The following ETFB variants were observed in gnomAD, a reference collection of about 807,000 sequenced individuals.
ETFB encodes the protein electron transfer flavoprotein subunit beta, also known as beta-ETF.
ETFB carries 20 observed loss-of-function variants against 25.6 expected under a neutral mutation model. That is an observed-to-expected ratio of 0.78 (90% CI 0.55 to 1.14). The LOEUF (loss-of-function observed/expected upper bound fraction) is 1.14. Among genes scored for constraint, ETFB ranks in the 50% most tolerant of loss-of-function variants. ETFB has a pLI of 0.00. For synonymous variants in ETFB, 142 were observed against 146.7 expected, an observed-to-expected ratio of 0.97 and a Z score of 0.23; for missense variants, 286 against 342.6, an observed-to-expected ratio of 0.83 and a Z score of 1.30.
At chr19:51,361,981 C>T (rs1252005375) in intron 1 of ETFB, among the ~76,000 whole-genome samples, 1 of 151,842 alleles carries the variant, frequency 6.6e-6, no homozygotes, top group Non-Finnish European at 1.5e-5. Flanking sequence ...TGTTTACAGG[C>T]GTGAGCCACC....
At chr19:51,366,147 C>A in intron 1 of ETFB, 123 bp downstream of exon 1, 1 of 970,428 alleles carries the variant, frequency 1.0e-6, no homozygotes, top group Non-Finnish European at 1.6e-6. Flanking sequence ...GTGACTTTGA[C>A]GTTTGGGGGT....
rs377667900 is a variant in ETFB at position 51,366,227 on chromosome 19, C to A, written c.57+43G>T. On this transcript the variant is annotated intron_variant, in intron 1 of 5. Coordinates refer to ENST00000309244, the MANE Select transcript of ETFB (RefSeq NM_001985.3). Reference sequence around the variant, plus strand: ...GTGCGCTCGTGGCCCCGGAAGCACACGGCTGCGGGACTCAGGGATGTGGGA... The same window carrying A: ...GTGCGCTCGTGGCCCCGGAAGCACAAGGCTGCGGGACTCAGGGATGTGGGA... 1.8e-5 allele frequency: 29 copies of A among 1,593,908 alleles called. No homozygotes were observed. In the African/African-American group the frequency reaches 2.9e-4, roughly 16 times the overall value.
At chr19:51,352,991 G>T in intron 3 of ETFB, 141 bp downstream of exon 3, 1 of 996,314 alleles carries the variant, frequency 1.0e-6, no homozygotes, top group Non-Finnish European at 1.6e-6. Flanking sequence ...CTGTCAGAAG[G>T]GTCAGCAAAG....
intron 1 of ETFB, chr19:51,354,914 C>A: frequency 4.6e-6 from 2 of 430,200 alleles, no homozygotes; most frequent in Non-Finnish European, 8.6e-6. Context: ...TCTGTGGGAA[C>A]TTGCACGGGG....
intron 3 of ETFB, among the ~76,000 whole-genome samples, chr19:51,352,642 C>T (rs939301030): frequency 2.0e-5 from 3 of 152,016 alleles, no homozygotes; most frequent in Admixed American, 6.6e-5. Context: ...GACAGAGTCT[C>T]GCTCTGCTCC....
chr19:51,352,062 G>A (rs1048740087), intron 3 of ETFB, among the ~76,000 whole-genome samples: 5 of 151,936 alleles, frequency 3.3e-5, no homozygotes, highest in Non-Finnish European at 7.4e-5. Flanking sequence ...GGTGGTGCCC[G>A]AGGGTCTCCT....
rs1176789273 is a variant in ETFB at position 51,358,321 on chromosome 19, A to G, written c.58-4013T>C. Among the ~76,000 whole-genome samples, 3 of 152,256 alleles carry G rather than the reference A, an allele frequency of 2.0e-5. No homozygotes were observed. The East Asian group carries it at 5.8e-4, about 29-fold the overall frequency. On this transcript the variant is annotated intron_variant, in intron 1 of 5. Transcript: ENST00000309244. The stretch of plus-strand genomic sequence containing the variant: ...AATCCGAGATGAGAAGGTGGGACCC[A>G]TAAGGGGCTTCCCACTCTGGCTGTG...
At chr19:51,365,862 T>C (rs1986349796) in intron 1 of ETFB, among the ~76,000 whole-genome samples, 1 of 152,132 alleles carries the variant, frequency 6.6e-6, no homozygotes, top group Admixed American at 6.6e-5. Flanking sequence ...AAGAGTACAA[T>C]GGTAAGTAAT....
At position 51,354,399 on chromosome 19, in the gene ETFB, G is replaced by A. The variant is rs146798901; in HGVS notation, c.58-91C>T. 50 of 1,614,098 alleles carry A rather than the reference G, an allele frequency of 3.1e-5. No homozygotes were observed. In the African/African-American group the frequency reaches 6.3e-4, roughly 20 times the overall value. On this transcript the variant is annotated intron_variant, in intron 1 of 5. Coordinates refer to ENST00000309244, the MANE Select transcript of ETFB (RefSeq NM_001985.3). ...CCAACCCTCTCCCAGGCTGGATGAGGACAACGACAGCCTGGAAAGGGGCAG... is the reference window on the plus strand; with the variant it reads ...CCAACCCTCTCCCAGGCTGGATGAGAACAACGACAGCCTGGAAAGGGGCAG...
rs542879637 is a variant in ETFB, at chr19:51,348,727, C to T, written c.438+1602G>A. 2.3e-3 allele frequency among the ~76,000 whole-genome samples: 349 copies of T among 151,932 alleles called. 1 individual carries two copies. The highest frequency in any genetic ancestry group is 7.4e-3 in the African/African-American group (308 of 41,438). Reference sequence around the variant, plus strand: ...ACAAACAAACAAACAAACAAAAAAACACAGATACCCAATGCAGTTACTGGA... The same window carrying T: ...ACAAACAAACAAACAAACAAAAAAATACAGATACCCAATGCAGTTACTGGA... On this transcript the variant is annotated intron_variant, in intron 4 of 5. Coordinates refer to ENST00000309244, the MANE Select transcript of ETFB (RefSeq NM_001985.3).
chr19:51,353,092 G>C (rs761062771), intron 3 of ETFB, 40 bp downstream of exon 3: 1 of 1,612,356 alleles, frequency 6.2e-7, no homozygotes, highest in Non-Finnish European at 8.5e-7. Flanking sequence ...TCCCGAGCAG[G>C]GATGAGCAAG....
chr19:51,355,320 CA>C (rs1430392313), intron 1 of ETFB: 1 of 152,226 alleles, frequency 6.6e-6, no homozygotes, highest in Non-Finnish European at 1.5e-5. Flanking sequence ...GACATTTATG[CA>C]GCCAAAAAAC....
intron 3 of ETFB, among the ~76,000 whole-genome samples, chr19:51,352,856 G>A (rs1432739704): frequency 1.3e-5 from 2 of 151,986 alleles, no homozygotes; most frequent in African/African-American, 2.4e-5. Context: ...TCAAACTCTC[G>A]ACCTCAAGTG....
Position 51,354,335 on chromosome 19 carries a change from G to A in ETFB, c.58-27C>T, listed in dbSNP as rs553721514. ...TGCCCAGCAGGAGGGGAAGGGGTGG[G>A]GTCAGGAGGAAACAGGCAAGAAGGT... On this transcript the variant is annotated intron_variant, in intron 1 of 5. Coordinates refer to ENST00000309244, the MANE Select transcript of ETFB (RefSeq NM_001985.3). 3 of 1,614,000 alleles carry A rather than the reference G, an allele frequency of 1.9e-6. No homozygotes were observed. In the Admixed American group the frequency reaches 5.0e-5, roughly 27 times the overall value.
At chr19:51,354,373 G>A (rs143544475) in intron 1 of ETFB, 65 bp from the exon 2 acceptor site, 12 of 1,614,014 alleles carry the variant, frequency 7.4e-6, no homozygotes, top group Admixed American at 6.7e-5. Context: ...GGGCCTCAGC[G>A]CCAACCCTCT....
At chr19:51,363,859 C>T (rs997275537) in intron 1 of ETFB, among the ~76,000 whole-genome samples, 4 of 152,248 alleles carry the variant, frequency 2.6e-5, no homozygotes, top group South Asian at 2.1e-4. Flanking sequence ...GGGCAAGCCG[C>T]GGCCTGGTCT....
At chr19:51,364,066 G>A (rs369423804) in intron 1 of ETFB, among the ~76,000 whole-genome samples, 1 of 152,184 alleles carries the variant, frequency 6.6e-6, no homozygotes, top group Non-Finnish European at 1.5e-5. Flanking sequence ...GGGGAGAGCA[G>A]GGTGAGCTCT....
At chr19:51,347,166 A>G in intron 4 of ETFB, 108 bp from the exon 5 acceptor site, 1 of 1,148,606 alleles carries the variant, frequency 8.7e-7, no homozygotes, top group Non-Finnish European at 1.3e-6. Flanking sequence ...TGAATGAATG[A>G]GGGAGCGAAC....
intron 1 of ETFB, among the ~76,000 whole-genome samples, 152 bp downstream of exon 1, chr19:51,366,113 TCACTC>T (rs1275855367): frequency 1.3e-5 from 2 of 152,150 alleles, no homozygotes; most frequent in African/African-American, 2.4e-5. Flanking sequence ...TGTTAGAACT[TCACTC>T]TTGGATTTTT....
Sources: allele counts gnomAD v4.1 joint callset (sites outside exome capture counted in the v4.1 genomes callset), GRCh38; gene constraint gnomAD v4.1.1; transcripts MANE v1.5; gene names NCBI Gene and HGNC (gene_info 2026-07-23, HGNC 2026-07-21).